TCF7L2: variants seen among roughly 807,000 people sequenced by gnomAD.
TCF7L2 encodes transcription factor 7 like 2.
Under a neutral mutation model 77.9 loss-of-function variants are expected in TCF7L2, and 23 were observed. The observed-to-expected ratio is 0.30, with a 90% CI of 0.21 to 0.42. The LOEUF (loss-of-function observed/expected upper bound fraction) is 0.42. Among genes scored for constraint, TCF7L2 ranks in the 10% least tolerant of loss-of-function variants. TCF7L2 has a pLI of 1.00. For synonymous variants in TCF7L2, 413 were observed against 340.2 expected (o/e 1.21, Z -2.36); for missense variants, 654 against 793.1 (o/e 0.82, Z 2.11).
intron 5 of TCF7L2, chr10:113,130,069 T>C (rs1021753739): frequency 2.3e-5 from 22 of 973,900 alleles, no homozygotes; most frequent in Non-Finnish European, 1.3e-5. Flanking sequence ...CCATTAAACC[T>C]ATGCTTTTTC....
chr10:113,103,362 TTTTTGTTTTG>T (rs534209551), intron 5 of TCF7L2, among the ~76,000 whole-genome samples: 1 of 152,222 alleles, frequency 6.6e-6, no homozygotes, highest in Non-Finnish European at 1.5e-5. Context: ...GCAACATAGA[TTTTTGTTTTG>T]TTTTGTTTTG....
intron 5 of TCF7L2, among the ~76,000 whole-genome samples, chr10:113,066,694 C>T (rs1229531137): frequency 6.6e-6 from 1 of 152,192 alleles, no homozygotes; most frequent in African/African-American, 2.4e-5. Context: ...AGTCATTGGG[C>T]GTGGTTGTGC....
chr10:112,974,278 C>T (rs1002152295), intron 4 of TCF7L2, among the ~76,000 whole-genome samples: 1 of 152,078 alleles, frequency 6.6e-6, no homozygotes, highest in African/African-American at 2.4e-5. Context: ...GCACTTAGTT[C>T]GGAAGAGGGC....
At chr10:113,121,935 T>C (rs1036615480) in intron 5 of TCF7L2, among the ~76,000 whole-genome samples, 3 of 152,254 alleles carry the variant, frequency 2.0e-5, no homozygotes, top group Non-Finnish European at 4.4e-5. Flanking sequence ...CGTCCATTAG[T>C]TTCTTCCTGT....
chr10:113,003,592 G>T (rs1217484538), intron 4 of TCF7L2, among the ~76,000 whole-genome samples: 1 of 152,198 alleles, frequency 6.6e-6, no homozygotes, highest in Non-Finnish European at 1.5e-5. Flanking sequence ...GGCAAGTAGG[G>T]GAGGTGAAGA....
At chr10:113,091,125 C>G (rs888456154) in intron 5 of TCF7L2, among the ~76,000 whole-genome samples, 2 of 152,162 alleles carry the variant, frequency 1.3e-5, no homozygotes, top group African/African-American at 4.8e-5. Flanking sequence ...TGTTCTTGAA[C>G]TCCTGACCTC....
chr10:113,091,796 G>A (rs556192254), intron 5 of TCF7L2, among the ~76,000 whole-genome samples: 1 of 152,262 alleles, frequency 6.6e-6, no homozygotes, highest in Non-Finnish European at 1.5e-5. Flanking sequence ...CTTGGGCCAC[G>A]CCTATGTCTT....
chr10:113,058,755 C>T (rs1370313509), intron 5 of TCF7L2, among the ~76,000 whole-genome samples: 1 of 151,906 alleles, frequency 6.6e-6, no homozygotes, highest in Non-Finnish European at 1.5e-5. Flanking sequence ...GGGCTTGGGC[C>T]AGTGGGAAAT....
chr10:113,057,562 T>C (rs2055616794), intron 5 of TCF7L2, among the ~76,000 whole-genome samples: 1 of 152,166 alleles, frequency 6.6e-6, no homozygotes, highest in Non-Finnish European at 1.5e-5. Flanking sequence ...GGCATAGAGA[T>C]GAAAACCAGT....
chr10:112,995,553 T>C (rs115762108), intron 4 of TCF7L2, among the ~76,000 whole-genome samples: 15 of 152,248 alleles, frequency 9.9e-5, no homozygotes, highest in African/African-American at 3.1e-4. Flanking sequence ...TCACTGTGAC[T>C]TCAGGCGAGT....
At chr10:113,145,114 G>GT (rs71007415) in intron 7 of TCF7L2, among the ~76,000 whole-genome samples, 40,240 of 146,104 alleles carry the variant, frequency 0.28, 5,825 homozygotes, top group Middle Eastern at 0.46. Context: ...ATTCTATGCT[G>GT]TTTTTTTTTT....
At chr10:112,981,172 G>A (rs2040405348) in intron 4 of TCF7L2, among the ~76,000 whole-genome samples, 1 of 152,102 alleles carries the variant, frequency 6.6e-6, no homozygotes, top group Admixed American at 6.5e-5. Flanking sequence ...GAAAGCAGAT[G>A]AGAAATGTCT....
rs1190963866 is a variant in TCF7L2 at position 113,167,234 on chromosome 10, G to A, written c.*1262G>A. ...AGATTGTCCAGAAAGCATTTTAAAT[G>A]AAGAGGTATAAACCCTTAAGGGCCA... On this transcript the variant is annotated 3_prime_UTR_variant, in exon 14 of 14. Coordinates refer to ENST00000627217, the MANE Select transcript of TCF7L2 (RefSeq NM_001146274.2). 3 of 228,866 alleles carry A rather than the reference G, an allele frequency of 1.3e-5. No homozygotes were observed. The highest frequency in any genetic ancestry group is 6.7e-5 in the African/African-American group (3 of 45,090). The allele number at this position is 228,866 out of a possible 1,614,324, so 14.2% of individuals were successfully genotyped here. A position where few individuals can be genotyped will look rare whatever the true frequency, so the allele number is the denominator to read the frequency against.
At chr10:112,995,427 C>CTG (rs1432973600) in intron 4 of TCF7L2, among the ~76,000 whole-genome samples, 3 of 152,152 alleles carry the variant, frequency 2.0e-5, no homozygotes, top group African/African-American at 7.2e-5. Context: ...GAGTGACCAC[C>CTG]TGCTCTCTCT....
In TCF7L2 at chr10:113,139,858, C is replaced by T. The variant is rs146530917; in HGVS notation, c.553-1326C>T. On this transcript the variant is annotated intron_variant, in intron 5 of 13. Transcript: ENST00000627217. ...ACAAGAAGAGAAATAGTAAAGAGAA[C>T]TAACTGCTTAGTGATCCCTCAGCTC... Among the ~76,000 whole-genome samples, 674 of 147,776 alleles carry T rather than the reference C, an allele frequency of 4.6e-3. 5 individuals are homozygous for T. Among genetic ancestry groups the T allele is most frequent in the Non-Finnish European group, 6.8e-3 (457 of 66,906 alleles).
chr10:112,971,634 A>G (rs1031622525), intron 4 of TCF7L2, among the ~76,000 whole-genome samples: 16 of 128,020 alleles, frequency 1.2e-4, no homozygotes, highest in African/African-American at 4.8e-4. Flanking sequence ...TTTTTTTGAG[A>G]TGGAATCTTG....
chr10:113,121,394 T>A (rs571473713), intron 5 of TCF7L2, among the ~76,000 whole-genome samples: 5 of 152,332 alleles, frequency 3.3e-5, no homozygotes, highest in Admixed American at 2.6e-4. Flanking sequence ...CATGACAGAT[T>A]TGCCGCAAGG....
At chr10:113,025,887 T>TC (rs1001922067) in intron 4 of TCF7L2, among the ~76,000 whole-genome samples, 1 of 151,948 alleles carries the variant, frequency 6.6e-6, no homozygotes, top group Non-Finnish European at 1.5e-5. Context: ...TTAATTTTTT[T>TC]TTTTTTTTTA....
rs3830991 is a variant in TCF7L2 at position 113,144,100 on chromosome 10, CTGTGTGTGTGTGTGTGTG to C, written c.788+95_788+112del. The C allele has an allele frequency of 2.9e-4, 188 of 653,446 alleles. 1 individual carries two copies. The highest frequency in any genetic ancestry group is 3.5e-4 in the Non-Finnish European group (145 of 411,004). The allele number at this position is 653,446 out of a possible 1,614,324, so 40.5% of individuals were successfully genotyped here. ...TTTATTATTTATTCTGTGTGTGTGT[CTGTGTGTGTGTGTGTGTG>C]TGTGTGTGTGTGTGTGTGTATGTGT... On this transcript the variant is annotated intron_variant, in intron 7 of 13. Transcript: ENST00000627217.
Sources: allele counts gnomAD v4.1 joint callset (sites outside exome capture counted in the v4.1 genomes callset), GRCh38; gene constraint gnomAD v4.1.1; transcripts MANE v1.5; gene names NCBI Gene and HGNC (gene_info 2026-07-23, HGNC 2026-07-21).